The following TMTC2 variants were observed in gnomAD, a reference collection of about 807,000 sequenced individuals.
TMTC2 encodes transmembrane O-mannosyltransferase targeting cadherins 2.
Under a neutral mutation model 82.4 loss-of-function variants are expected in TMTC2, and 43 were observed. That is an observed-to-expected ratio of 0.52 (90% CI 0.41 to 0.67). The LOEUF (loss-of-function observed/expected upper bound fraction) is 0.67. TMTC2 is among the 30% of genes least tolerant of loss of function. The probability of loss-of-function intolerance (pLI) is 0.00; values close to 1 mark genes in which losing one functional copy is unlikely to be tolerated. For missense variants in TMTC2, 919 were observed against 1,012.4 expected (o/e 0.91, Z 1.25); for synonymous variants, 408 against 381.9 (o/e 1.07, Z -0.80).
chr12:82,996,223 G>T (rs1408002738), intron 8 of TMTC2, among the ~76,000 whole-genome samples: 1 of 152,142 alleles, frequency 6.6e-6, no homozygotes, highest in Non-Finnish European at 1.5e-5. Flanking sequence ...TTTTTAATTT[G>T]AATGTGATGT....
At chr12:83,042,945 T>C (rs1881948834) in intron 9 of TMTC2, among the ~76,000 whole-genome samples, 1 of 152,172 alleles carries the variant, frequency 6.6e-6, no homozygotes, top group African/African-American at 2.4e-5. Flanking sequence ...CTTGGGTATC[T>C]TTTCCTTGTT....
At chr12:83,073,890 G>C (rs1019740334) in intron 11 of TMTC2, among the ~76,000 whole-genome samples, 7 of 151,996 alleles carry the variant, frequency 4.6e-5, no homozygotes, top group African/African-American at 1.7e-4. Context: ...TCTTATATCA[G>C]TTTTTGGATT....
At chr12:82,745,876 T>C (rs1017507350) in intron 1 of TMTC2, among the ~76,000 whole-genome samples, 1 of 152,332 alleles carries the variant, frequency 6.6e-6, no homozygotes, top group South Asian at 2.1e-4. Context: ...TTTTCTTAAA[T>C]TCAAGAAGTA....
intron 3 of TMTC2, among the ~76,000 whole-genome samples, chr12:82,919,972 C>T (rs1443048637): frequency 6.6e-6 from 1 of 152,164 alleles, no homozygotes; most frequent in Non-Finnish European, 1.5e-5. Context: ...TAGCCTGATT[C>T]TCCAAATTTC....
At position 82,957,716 on chromosome 12, in the gene TMTC2, C is replaced by G. The variant is rs544629414; in HGVS notation, c.1599-7308C>G. Among the ~76,000 whole-genome samples, 77 of 151,940 alleles carry G rather than the reference C, an allele frequency of 5.1e-4. 1 individual carries two copies. In the South Asian group the frequency reaches 0.016, roughly 31 times the overall value. On this transcript the variant is annotated intron_variant, in intron 4 of 11. Coordinates refer to ENST00000321196, the MANE Select transcript of TMTC2 (RefSeq NM_152588.3). ...AAGAAATATAAAAGATCCTCAGAGA[C>G]TATTATGAACACTTCTATGCACGCA... is the stretch of plus-strand genomic sequence containing the variant.
chr12:82,795,096 G>C (rs1180338653), intron 1 of TMTC2, among the ~76,000 whole-genome samples: 1 of 152,008 alleles, frequency 6.6e-6, no homozygotes, highest in Non-Finnish European at 1.5e-5. Flanking sequence ...CTTGAGGTCA[G>C]GAGTTCGAGA....
chr12:82,752,059 T>A (rs1876034744), intron 1 of TMTC2, among the ~76,000 whole-genome samples: 1 of 152,116 alleles, frequency 6.6e-6, no homozygotes, highest in Admixed American at 6.5e-5. Flanking sequence ...AGTCTGTATT[T>A]AACATCTTTC....
rs946837773 is a variant in TMTC2, at chr12:82,804,880, G to C, written c.84-52130G>C. Reference sequence around the variant, plus strand: ...TACGTAAACACAGTGGATTGCTCCTGTTAGAAATGCTTGTTCCCTGGTGCC... The same window carrying C: ...TACGTAAACACAGTGGATTGCTCCTCTTAGAAATGCTTGTTCCCTGGTGCC... On this transcript the variant is annotated intron_variant, in intron 1 of 11. Transcript: ENST00000321196. 2.6e-5 allele frequency among the ~76,000 whole-genome samples: 4 copies of C among 152,130 alleles called. No individual in the cohort carries two copies. In the South Asian group the frequency reaches 8.3e-4, roughly 32 times the overall value.
chr12:83,095,563 T>C (rs1884002705), intron 11 of TMTC2, among the ~76,000 whole-genome samples: 1 of 152,150 alleles, frequency 6.6e-6, no homozygotes, highest in East Asian at 1.9e-4. Context: ...TGAGCAACTT[T>C]CAGAAGGATA....
At chr12:82,756,221 G>T (rs1430479919) in intron 1 of TMTC2, among the ~76,000 whole-genome samples, 1 of 152,038 alleles carries the variant, frequency 6.6e-6, no homozygotes, top group Admixed American at 6.6e-5. Context: ...TAAAAAGCTT[G>T]TAAAATTATT....
chr12:83,052,865 C>T (rs1406379177), intron 10 of TMTC2, among the ~76,000 whole-genome samples: 1 of 152,126 alleles, frequency 6.6e-6, no homozygotes, highest in Non-Finnish European at 1.5e-5. Flanking sequence ...CTCCGGCTTT[C>T]TCTGGTCTGC....
intron 9 of TMTC2, among the ~76,000 whole-genome samples, chr12:83,050,023 ATT>A (rs1882288277): frequency 6.6e-6 from 1 of 152,184 alleles, no homozygotes; most frequent in African/African-American, 2.4e-5. Context: ...TTTTATAACT[ATT>A]TTTAGTACTT....
chr12:82,883,007 G>A (rs1023119258), intron 2 of TMTC2, among the ~76,000 whole-genome samples: 5 of 132,458 alleles, frequency 3.8e-5, no homozygotes, highest in African/African-American at 1.3e-4. Context: ...AATGAGCCAA[G>A]ATCGCGTCAG....
At position 82,687,489 on chromosome 12, in the gene TMTC2, A is replaced by G; in HGVS notation, c.-98A>G. 8.6e-7 allele frequency: 1 copy of G among 1,168,472 alleles called. No individual in the cohort carries two copies. Among genetic ancestry groups the G allele is most frequent in the Non-Finnish European group, 1.2e-6 (1 of 809,790 alleles). The allele number at this position is 1,168,472 out of a possible 1,614,324, so 72.4% of individuals were successfully genotyped here. A position where few individuals can be genotyped will look rare whatever the true frequency, so the allele number is the denominator to read the frequency against. ...GAAGCGAGGGAAAAGTGAAGCTGGG[A>G]GGAGAAGGCGGCGGAAGGTGGAGAT... On this transcript the variant is annotated 5_prime_UTR_variant, in exon 1 of 12. Transcript: ENST00000321196.
intron 7 of TMTC2, among the ~76,000 whole-genome samples, chr12:82,978,903 T>G (rs1878800154): frequency 6.6e-6 from 1 of 151,780 alleles, no homozygotes; most frequent in African/African-American, 2.4e-5. Context: ...TTATATCCTC[T>G]TGCTGAATTG....
chr12:83,089,382 C>T (rs191159779), intron 11 of TMTC2, among the ~76,000 whole-genome samples: 64 of 152,270 alleles, frequency 4.2e-4, no homozygotes, highest in Middle Eastern at 3.4e-3. Flanking sequence ...GAAAACTGAA[C>T]GGCACATAGT....
At chr12:83,005,206 TAAAAAA>T (rs59772281) in intron 8 of TMTC2, among the ~76,000 whole-genome samples, 1 of 36,340 alleles carries the variant, frequency 2.8e-5, no homozygotes, top group Admixed American at 3.8e-4. Context: ...TTTGTCTTAT[TAAAAAA>T]AAAAAAAAAA....
At chr12:83,082,544 A>T (rs1883508128) in intron 11 of TMTC2, among the ~76,000 whole-genome samples, 1 of 152,216 alleles carries the variant, frequency 6.6e-6, no homozygotes. Context: ...GTATATATCA[A>T]GTTTTTATTT....
chr12:82,775,695 G>A (rs1203795601), intron 1 of TMTC2, among the ~76,000 whole-genome samples: 1 of 152,004 alleles, frequency 6.6e-6, no homozygotes, highest in African/African-American at 2.4e-5. Context: ...AAAATGTTCT[G>A]CTTGAGGCCA....
Sources: allele counts gnomAD v4.1 joint callset (sites outside exome capture counted in the v4.1 genomes callset), GRCh38; gene constraint gnomAD v4.1.1; transcripts MANE v1.5; gene names NCBI Gene and HGNC (gene_info 2026-07-23, HGNC 2026-07-21).